ADAM22: variants seen among roughly 807,000 people sequenced by gnomAD.
The protein encoded by ADAM22 is ADAM metallopeptidase domain 22, also known as disintegrin and metalloproteinase domain-containing protein 22.
In ADAM22, 65 loss-of-function variants were observed where a neutral mutation model predicts 144.6. The observed-to-expected ratio is 0.45, with a 90% confidence interval of 0.37 to 0.55. The LOEUF is 0.55. ADAM22 is among the 20% of genes least tolerant of loss of function. The probability of loss-of-function intolerance (pLI) is 0.00; values close to 1 mark genes in which losing one functional copy is unlikely to be tolerated. For missense variants in ADAM22, 974 were observed against 1,184.9 expected (o/e 0.82, Z 2.61); for synonymous variants, 391 against 412.6 (o/e 0.95, Z 0.63).
At chr7:88,012,749 C>T (rs1795724449) in intron 3 of ADAM22, among the ~76,000 whole-genome samples, 1 of 152,134 alleles carries the variant, frequency 6.6e-6, no homozygotes, top group African/African-American at 2.4e-5. Context: ...TTTAAGTAGG[C>T]TCATCCCTCT....
intron 25 of ADAM22, among the ~76,000 whole-genome samples, chr7:88,170,225 C>A (rs993070340): frequency 1.3e-5 from 2 of 151,688 alleles, no homozygotes; most frequent in African/African-American, 4.8e-5. Flanking sequence ...AATAACTAGC[C>A]CAAATAGCTA....
chr7:88,016,328 A>G (rs1458319959), intron 3 of ADAM22, among the ~76,000 whole-genome samples: 1 of 152,182 alleles, frequency 6.6e-6, no homozygotes, highest in Non-Finnish European at 1.5e-5. Context: ...TTTACCAATG[A>G]CGTTAGTACA....
At chr7:88,111,228 GACTTT>G (rs1304413737) in intron 5 of ADAM22, among the ~76,000 whole-genome samples, 2 of 151,924 alleles carry the variant, frequency 1.3e-5, no homozygotes, top group African/African-American at 4.8e-5. Context: ...TTCTCATCTT[GACTTT>G]ACTTTCTGGA....
chr7:87,947,087 A>C (rs1584496819), intron 2 of ADAM22, among the ~76,000 whole-genome samples: 1 of 152,122 alleles, frequency 6.6e-6, no homozygotes, highest in Non-Finnish European at 1.5e-5. Context: ...GGGTTGAAAA[A>C]CTAACTGCTG....
intron 3 of ADAM22, among the ~76,000 whole-genome samples, chr7:88,047,108 A>G (rs574440726): frequency 2.0e-5 from 3 of 152,308 alleles, no homozygotes; most frequent in African/African-American, 7.2e-5. Flanking sequence ...ATGAGATCAT[A>G]TTTATAACTA....
intron 8 of ADAM22, among the ~76,000 whole-genome samples, chr7:88,127,943 CTTG>C (rs1830828260): frequency 6.6e-6 from 1 of 151,936 alleles, no homozygotes; most frequent in Non-Finnish European, 1.5e-5. Context: ...GAGAAGAAAA[CTTG>C]TTGGTGAGCA....
intron 12 of ADAM22, among the ~76,000 whole-genome samples, chr7:88,133,821 C>A (rs1375884787): frequency 6.6e-6 from 1 of 152,106 alleles, no homozygotes; most frequent in Non-Finnish European, 1.5e-5. Flanking sequence ...AAAAAGATAT[C>A]CTCAGTTCTT....
At chr7:88,005,657 T>A (rs981741333) in intron 3 of ADAM22, among the ~76,000 whole-genome samples, 5 of 152,138 alleles carry the variant, frequency 3.3e-5, no homozygotes, top group Non-Finnish European at 7.4e-5. Flanking sequence ...AGATGCTAAA[T>A]CTGTCACATT....
intron 3 of ADAM22, among the ~76,000 whole-genome samples, chr7:88,028,300 CTT>C (rs1563058968): frequency 6.6e-6 from 1 of 152,052 alleles, no homozygotes; most frequent in African/African-American, 2.4e-5. Flanking sequence ...CAAAATTCCT[CTT>C]GTTATTGATT....
At position 88,053,599 on chromosome 7, in the gene ADAM22, A is replaced by G. The variant is rs868190171; in HGVS notation, c.324-22027A>G. 4.7e-3 allele frequency among the ~76,000 whole-genome samples: 261 copies of G among 55,088 alleles called. 2 individuals are homozygous for G. Among genetic ancestry groups the G allele is most frequent in the African/African-American group, 0.02 (238 of 11,828 alleles). The allele number at this position is 55,088 out of a possible 152,430, so 36.1% of individuals were successfully genotyped here. Reference sequence around the variant, plus strand: ...GGAAAGGAAGGAAGGAAGGAAAGAAAGAAAGAAAGAAAGAAAGAAAGAAAG... The same window carrying G: ...GGAAAGGAAGGAAGGAAGGAAAGAAGGAAAGAAAGAAAGAAAGAAAGAAAG... On this transcript the variant is annotated intron_variant, in intron 3 of 31. Coordinates refer to ENST00000413139, the MANE Select transcript of ADAM22 (RefSeq NM_001324418.2).
rs763640135 is a variant in ADAM22 at position 88,173,261 on chromosome 7, C to T, written c.2300+1700C>T. Among the ~76,000 whole-genome samples, 225 of 152,100 alleles carry T rather than the reference C, an allele frequency of 1.5e-3. 2 individuals carry two copies. The highest frequency in any genetic ancestry group is 2.5e-3 in the Non-Finnish European group (168 of 67,892). ...TGTGCCTGATATAATTTCATGTCTC[C>T]TGGTGTTACTGAGTCATCATTTCAT... On this transcript the variant is annotated intron_variant, in intron 26 of 31. Transcript: ENST00000413139.
At chr7:87,947,068 GA>G (rs1472626458) in intron 2 of ADAM22, among the ~76,000 whole-genome samples, 1 of 152,148 alleles carries the variant, frequency 6.6e-6, no homozygotes, top group Non-Finnish European at 1.5e-5. Flanking sequence ...AAGGGAAGGA[GA>G]GGGGCAAGGG....
At chr7:88,095,592 C>T (rs968312440) in intron 4 of ADAM22, among the ~76,000 whole-genome samples, 2 of 152,084 alleles carry the variant, frequency 1.3e-5, no homozygotes, top group African/African-American at 2.4e-5. Flanking sequence ...CACATTCATG[C>T]GTTTTCTTTC....
chr7:87,995,536 G>A (rs1790968187), intron 3 of ADAM22, among the ~76,000 whole-genome samples: 1 of 152,182 alleles, frequency 6.6e-6, no homozygotes, highest in Admixed American at 6.5e-5. Flanking sequence ...TGGTGCAGTG[G>A]TTTTCCAGAG....
chr7:87,961,764 G>A (rs1265136219), intron 2 of ADAM22, among the ~76,000 whole-genome samples: 1 of 152,148 alleles, frequency 6.6e-6, no homozygotes, highest in African/African-American at 2.4e-5. Flanking sequence ...GGGAGAAATA[G>A]GGCTAAATTG....
At position 88,198,191 on chromosome 7, in the gene ADAM22, C is replaced by T. The variant is rs1403277014; in HGVS notation, c.*1700C>T. 6.6e-6 allele frequency: 1 copy of T among 152,136 alleles called. No homozygotes were observed. Among genetic ancestry groups the T allele is most frequent in the Non-Finnish European group, 1.5e-5 (1 of 68,030 alleles). The allele number at this position is 152,136 out of a possible 1,614,324, so 9.4% of individuals were successfully genotyped here. On this transcript the variant is annotated 3_prime_UTR_variant, in exon 32 of 32. Transcript: ENST00000413139. Reference sequence around the variant, plus strand: ...CTCCCATAGTATCCATGGACAAAATCCATATCATCTTCATATGTAATCAAT... The same window carrying T: ...CTCCCATAGTATCCATGGACAAAATTCATATCATCTTCATATGTAATCAAT...
chr7:87,979,571 A>G (rs1163321836), intron 3 of ADAM22, among the ~76,000 whole-genome samples: 1 of 152,086 alleles, frequency 6.6e-6, no homozygotes, highest in Non-Finnish European at 1.5e-5. Context: ...ACCATTATTG[A>G]TGTATGGCCA....
At chr7:88,181,826 T>G in intron 28 of ADAM22, 132 bp from the exon 29 acceptor site, 1 of 875,156 alleles carries the variant, frequency 1.1e-6, no homozygotes, top group Middle Eastern at 2.3e-4. Flanking sequence ...TTGAGAAAGC[T>G]GTACAGTGTG....
chr7:87,958,801 A>G (rs781709141), intron 2 of ADAM22, among the ~76,000 whole-genome samples: 1 of 151,948 alleles, frequency 6.6e-6, no homozygotes, highest in Non-Finnish European at 1.5e-5. Context: ...TCCTCTTTTG[A>G]CTGGCCTATT....
Sources: gnomAD v4.1 joint callset for allele counts (sites outside exome capture counted in the v4.1 genomes callset) on GRCh38, gnomAD v4.1.1 for gene constraint, MANE v1.5 for transcripts, NCBI Gene and HGNC (gene_info 2026-07-23, HGNC 2026-07-21) for gene names.